TRPM2: variants seen among roughly 807,000 people sequenced by gnomAD.
TRPM2 encodes estrogen-responsive element-associated gene 1 protein.
TRPM2 carries 161 observed loss-of-function variants against 174.0 expected under a neutral mutation model. The ratio of observed to expected loss-of-function variants is 0.93; its 90% CI spans 0.81 to 1.05. The LOEUF is 1.05. Ranked by LOEUF, TRPM2 falls within the 50% of genes least tolerant of loss-of-function variation. The probability of loss-of-function intolerance (pLI) is 0.00; values close to 1 mark genes in which losing one functional copy is unlikely to be tolerated. For missense variants in TRPM2, 2,057 were observed against 2,038.0 expected (o/e 1.01, Z -0.18); for synonymous variants, 954 against 861.3 (o/e 1.11, Z -1.88).
At chr21:44,380,305 G>A (rs960985824) in intron 8 of TRPM2, among the ~76,000 whole-genome samples, 1 of 152,216 alleles carries the variant, frequency 6.6e-6, no homozygotes, top group Non-Finnish European at 1.5e-5. Context: ...AGCTGCAAGC[G>A]TCAGATCAGT....
In TRPM2 at chr21:44,379,209, G is replaced by T. The variant is rs372379355; in HGVS notation, c.1215+12G>T. ...AGTGGACCAAAAAGGTGAGGCTGAC[G>T]GGCACGACGGTCACCAGCATGTGGC... On this transcript the variant is annotated intron_variant, in intron 8 of 31. Coordinates refer to ENST00000397928, the MANE Select transcript of TRPM2 (RefSeq NM_003307.4). 8 of 1,610,030 alleles carry T rather than the reference G, an allele frequency of 5.0e-6. No homozygotes were observed. The African/African-American group carries it at 9.3e-5, about 19-fold the overall frequency.
chr21:44,426,819 G>C, intron 26 of TRPM2, 83 bp downstream of exon 26: 1 of 1,555,308 alleles, frequency 6.4e-7, no homozygotes, highest in Non-Finnish European at 8.8e-7. Flanking sequence ...CCCAGTCAGA[G>C]CCCAGCCCGG....
In TRPM2 at chr21:44,425,797, C is replaced by T. The variant is rs764403590; in HGVS notation, c.3765C>T (p.Phe1255=). The T allele has an allele frequency of 1.9e-6, 3 of 1,581,854 alleles. No individual in the cohort carries two copies. The highest frequency in any genetic ancestry group is 2.6e-6 in the Non-Finnish European group (3 of 1,156,514). Residue 1255 remains phenylalanine, a synonymous_variant, in exon 25 of 32, where the codon TTC becomes TTT. Coordinates refer to ENST00000397928, the MANE Select transcript of TRPM2 (RefSeq NM_003307.4). ...LLYPNCPVTR[F]PVPNEKVPWE... is the part of the protein sequence containing the mutation. ...ACCCCAACTGCCCTGTCACGCGCTT[C>T]CCCGTGCCCAACGAGAAGGTGCCCT...
Position 44,366,904 on chromosome 21 carries a change from A to G in TRPM2, c.574A>G (p.Arg192Gly). ...MKPRLKSIFRRGLVKVAQTTG... is the reference protein window; with the variant it reads ...MKPRLKSIFRGGLVKVAQTTG... ...GCCGCGGCTGAAGAGCATTTTCCGC[A>G]GAGGCCTGGTCAAGGTGGCTCAGAC... Residue 192 changes from arginine (R) to glycine (G), a missense_variant, in exon 4 of 32, where the codon AGA (arginine) becomes GGA (glycine). Transcript: ENST00000397928. This position sits in a 1 kb window ranked among gnomAD's most constrained non-coding sequence, Gnocchi z 6.0. The G allele has an allele frequency of 1.9e-6, 3 of 1,608,748 alleles. No individual in the cohort carries two copies. The highest frequency in any genetic ancestry group is 2.5e-6 in the Non-Finnish European group (3 of 1,176,726).
In TRPM2 at chr21:44,376,130, G is replaced by A. The variant is rs1602161866; in HGVS notation, c.952+117G>A. The A allele has an allele frequency of 6.4e-6, 8 of 1,253,412 alleles. No individual in the cohort carries two copies. Among genetic ancestry groups the A allele is most frequent in the Non-Finnish European group, 8.8e-6 (8 of 905,398 alleles). 77.6% of individuals were successfully genotyped at this position (1,253,412 alleles called of 1,614,324 possible). The stretch of plus-strand genomic sequence containing the variant: ...ACAGGCCTGGCGTTTGGCAGAGAGT[G>A]CAGTGGGCTGGTCAGAGTGTCAGGT... On this transcript the variant is annotated intron_variant, in intron 6 of 31. Coordinates refer to ENST00000397928, the MANE Select transcript of TRPM2 (RefSeq NM_003307.4). The surrounding 1 kb of genome is among the most constrained non-coding windows in gnomAD (Gnocchi z 4.2).
intron 5 of TRPM2, among the ~76,000 whole-genome samples, chr21:44,371,222 G>A (rs563389375): frequency 1.0e-3 from 151 of 151,450 alleles, no homozygotes; most frequent in African/African-American, 3.6e-3. Context: ...CGCTGCCTCC[G>A]TGTCCCATGG....
intron 6 of TRPM2, among the ~76,000 whole-genome samples, chr21:44,377,361 C>T (rs1448061463): frequency 6.6e-6 from 1 of 152,164 alleles, no homozygotes; most frequent in East Asian, 1.9e-4. Context: ...AGCCCCTCTC[C>T]CTCCCTCCCA....
At chr21:44,413,782 C>T (rs2050183207) in intron 19 of TRPM2, 109 bp from the exon 20 acceptor site, 1 of 1,294,102 alleles carries the variant, frequency 7.7e-7, no homozygotes. Context: ...CAGCATCAGG[C>T]CTGCGGGGGA....
chr21:44,368,776 G>C (rs1288302691), intron 4 of TRPM2, among the ~76,000 whole-genome samples: 1 of 152,208 alleles, frequency 6.6e-6, no homozygotes, highest in Non-Finnish European at 1.5e-5. Context: ...ACCAGCAGCA[G>C]ATGGCAGGTG....
chr21:44,387,009 G>A (rs747219158), intron 9 of TRPM2, among the ~76,000 whole-genome samples: 1 of 152,118 alleles, frequency 6.6e-6, no homozygotes, highest in East Asian at 1.9e-4. Context: ...AAGCAACATG[G>A]TGAAACCTTG....
chr21:44,437,284 G>GCCCCCTGCAGCCCCCTGCAGCCCCCT, intron 29 of TRPM2, 117 bp downstream of exon 29: 1 of 973,086 alleles, frequency 1.0e-6, no homozygotes, highest in Non-Finnish European at 1.5e-6. Context: ...GCAGCCCCTG[G>GCCCCCTGCAGCCCCCTGCAGCCCCCT]GCAGGGAGGG....
At chr21:44,433,158 G>A (rs1248561387) in intron 27 of TRPM2, among the ~76,000 whole-genome samples, 1 of 152,196 alleles carries the variant, frequency 6.6e-6, no homozygotes, top group Non-Finnish European at 1.5e-5. Context: ...AGAAGCGAGC[G>A]TGCATGTGGT....
intron 22 of TRPM2, among the ~76,000 whole-genome samples, chr21:44,421,798 G>T (rs944891980): frequency 6.6e-6 from 1 of 152,040 alleles, no homozygotes; most frequent in African/African-American, 2.4e-5. Context: ...AGGTGTGGTG[G>T]TGCACATGGG....
At chr21:44,393,353 A>G (rs2049242155) in intron 11 of TRPM2, among the ~76,000 whole-genome samples, 1 of 152,190 alleles carries the variant, frequency 6.6e-6, no homozygotes, top group Non-Finnish European at 1.5e-5. Context: ...TTATTTTAAT[A>G]GATTTTCTGA....
At position 44,424,845 on chromosome 21, in the gene TRPM2, CT is replaced by C; in HGVS notation, c.3550-5del. The stretch of plus-strand genomic sequence containing the variant: ...GTGCTCACTGTGTCTCGGGCCATGC[CT>C]TCCAGGTGGCCCAGACAGCCCAAGC... On this transcript the variant is annotated splice_region_variant and splice_polypyrimidine_tract_variant and intron_variant, in intron 23 of 31. Transcript: ENST00000397928. 1 of 1,585,496 alleles carries C rather than the reference CT, an allele frequency of 6.3e-7. No homozygotes were observed. The highest frequency in any genetic ancestry group is 1.8e-5 in the Admixed American group (1 of 56,780).
At chr21:44,433,013 G>C (rs2051083359) in intron 27 of TRPM2, among the ~76,000 whole-genome samples, 1 of 152,218 alleles carries the variant, frequency 6.6e-6, no homozygotes, top group South Asian at 2.1e-4. Flanking sequence ...GGCACAGTGA[G>C]AGCAGCTGAA....
chr21:44,382,066 G>T (rs1281232995), intron 8 of TRPM2, among the ~76,000 whole-genome samples: 4 of 152,026 alleles, frequency 2.6e-5, no homozygotes, highest in Non-Finnish European at 4.4e-5. Flanking sequence ...TGGTAGGTGG[G>T]TGTGTGTATG....
Position 44,368,927 on chromosome 21 carries a change from C to T in TRPM2, c.605-250C>T, listed in dbSNP as rs529272725. On this transcript the variant is annotated intron_variant, in intron 4 of 31. Coordinates refer to ENST00000397928, the MANE Select transcript of TRPM2 (RefSeq NM_003307.4). ...CAGAGAGGTGCTGAGAACCGCGATC[C>T]TGAGACTGGGGCCTGAGGAGGCGGC... is the stretch of plus-strand genomic sequence containing the variant. 4.1e-4 allele frequency among the ~76,000 whole-genome samples: 62 copies of T among 152,294 alleles called. 1 individual carries two copies. The highest frequency in any genetic ancestry group is 4.9e-4 in the Non-Finnish European group (33 of 68,028).
At chr21:44,440,182 C>G (rs371443992) in intron 30 of TRPM2, among the ~76,000 whole-genome samples, 6 of 151,242 alleles carry the variant, frequency 4.0e-5, no homozygotes, top group East Asian at 2.0e-4. Flanking sequence ...ACTAAAAATA[C>G]AAAAATTAGC....
Sources: allele counts gnomAD v4.1 joint callset (sites outside exome capture counted in the v4.1 genomes callset), GRCh38; gene constraint gnomAD v4.1.1; non-coding constraint Gnocchi (gnomAD v3.1); transcripts MANE v1.5; gene names NCBI Gene and HGNC (gene_info 2026-07-23, HGNC 2026-07-21).